Variants in SERTAD2 observed in about 807,000 individuals in gnomAD.
The protein encoded by SERTAD2 is SERTA domain-containing protein 2.
In SERTAD2, 2 loss-of-function variants were observed where a neutral mutation model predicts 15.4. The ratio of observed to expected loss-of-function variants is 0.13; its 90% CI spans 0.05 to 0.41. The LOEUF is 0.41. SERTAD2 is among the 10% of genes least tolerant of loss of function. The pLI, the probability that SERTAD2 is intolerant of heterozygous loss-of-function variation, is 0.99. For missense variants in SERTAD2, 333 were observed against 409.7 expected (o/e 0.81, Z 1.62); for synonymous variants, 180 against 178.0 (o/e 1.01, Z -0.09).
chr2:64,650,677 T>C (rs997243830), intron 1 of SERTAD2, among the ~76,000 whole-genome samples: 1 of 152,222 alleles, frequency 6.6e-6, no homozygotes, highest in Non-Finnish European at 1.5e-5. Flanking sequence ...TAGCCACACA[T>C]TTCTTAAACA....
At chr2:64,646,148 C>CG (rs1553412393) in intron 1 of SERTAD2, among the ~76,000 whole-genome samples, 1 of 24,140 alleles carries the variant, frequency 4.1e-5, no homozygotes, top group East Asian at 1.3e-3. Context: ...AACAAACAAA[C>CG]AAAAAAAAAC....
rs149716172 is a variant in SERTAD2 at position 64,642,768 on chromosome 2, C to T, written c.-4-5893G>A. On this transcript the variant is annotated intron_variant, in intron 1 of 1. Coordinates refer to ENST00000313349, the MANE Select transcript of SERTAD2 (RefSeq NM_014755.3). The stretch of plus-strand genomic sequence containing the variant: ...GGGCTGTAGGAGGCCGCACAGGGAG[C>T]CCTCCTCAGACCACCAAGGCTGGCT... Among the ~76,000 whole-genome samples, 3 of 152,258 alleles carry T rather than the reference C, an allele frequency of 2.0e-5. No homozygotes were observed. The East Asian group carries it at 5.8e-4, about 29-fold the overall frequency.
intron 1 of SERTAD2, among the ~76,000 whole-genome samples, chr2:64,649,116 G>T (rs1674959561): frequency 6.6e-6 from 1 of 152,260 alleles, no homozygotes; most frequent in South Asian, 2.1e-4. Context: ...GCAGCTGCCA[G>T]CTCGATATCT....
intron 1 of SERTAD2, among the ~76,000 whole-genome samples, chr2:64,652,918 T>C (rs1489869730): frequency 6.6e-6 from 1 of 152,112 alleles, no homozygotes; most frequent in Non-Finnish European, 1.5e-5. Context: ...CGACACCCCC[T>C]CTCTTACTGG....
chr2:64,642,491 T>C (rs574343230), intron 1 of SERTAD2, among the ~76,000 whole-genome samples: 124 of 151,930 alleles, frequency 8.2e-4, no homozygotes, highest in Non-Finnish European at 4.0e-4. Context: ...ATTTAAAAGC[T>C]ACATCTTTTT....
chr2:64,643,578 G>C (rs1674822610), intron 1 of SERTAD2, among the ~76,000 whole-genome samples: 1 of 152,248 alleles, frequency 6.6e-6, no homozygotes, highest in Admixed American at 6.5e-5. Flanking sequence ...TTAACAAGCT[G>C]TATGCCTTCG....
intron 1 of SERTAD2, among the ~76,000 whole-genome samples, chr2:64,638,525 C>G (rs1187898390): frequency 2.0e-5 from 3 of 152,206 alleles, no homozygotes; most frequent in Non-Finnish European, 4.4e-5. Context: ...AGACATGGAG[C>G]CTGCCACTTG....
intron 1 of SERTAD2, among the ~76,000 whole-genome samples, chr2:64,652,811 C>T (rs373762485): frequency 4.0e-5 from 6 of 151,606 alleles, no homozygotes; most frequent in African/African-American, 1.2e-4. Flanking sequence ...AAACTCGACT[C>T]CCATCGCAAT....
In SERTAD2 at chr2:64,632,210, G is replaced by A. The variant is rs140875234; in HGVS notation, c.*3717C>T. ...CAAGGTTTTCAAATTAAGACAATTC[G>A]TATAGAGTAGCAATTGCTGCACGAA... On this transcript the variant is annotated 3_prime_UTR_variant, in exon 2 of 2. Coordinates refer to ENST00000313349, the MANE Select transcript of SERTAD2 (RefSeq NM_014755.3). 1.0e-4 allele frequency: 15 copies of A among 149,506 alleles called. No individual in the cohort carries two copies. Among genetic ancestry groups the A allele is most frequent in the African/African-American group, 3.0e-4 (12 of 40,576 alleles). 9.3% of individuals were successfully genotyped at this position (149,506 alleles called of 1,614,324 possible). A position where few individuals can be genotyped will look rare whatever the true frequency, so the allele number is the denominator to read the frequency against.
intron 1 of SERTAD2, among the ~76,000 whole-genome samples, chr2:64,650,768 A>G (rs1674992411): frequency 6.6e-6 from 1 of 152,078 alleles, no homozygotes; most frequent in African/African-American, 2.4e-5. Flanking sequence ...AGTTGTGCAT[A>G]TAAAGTGGCC....
intron 1 of SERTAD2, chr2:64,645,104 C>T (rs1278889296): frequency 6.6e-6 from 1 of 151,704 alleles, no homozygotes; most frequent in Non-Finnish European, 1.5e-5. Flanking sequence ...AACATCCATG[C>T]TAATTGGTAA....
Position 64,636,147 on chromosome 2 carries a change from G to T in SERTAD2, c.725C>A (p.Thr242Asn), listed in dbSNP as rs1674651107. 6.2e-7 allele frequency: 1 copy of T among 1,614,036 alleles called. No individual in the cohort carries two copies. The highest frequency in any genetic ancestry group is 1.3e-5 in the African/African-American group (1 of 74,898). ...GTCAGCAAACAGGATGTCATCCAGGGTCAAGTCTGTCAGGAAACCCGTGGA... is the reference window on the plus strand; with the variant it reads ...GTCAGCAAACAGGATGTCATCCAGGTTCAAGTCTGTCAGGAAACCCGTGGA... ...TTSTGFLTDL[T>N]LDDILFADID... The change falls in exon 2 of 2, where the codon ACC becomes AAC. Residue 242 changes from threonine to asparagine, a missense_variant. Physicochemically the swap from Thr to Asn is moderately conservative, Grantham distance 65. This residue lies in a region of SERTAD2 where 332 missense variants were observed against 392.9 expected (regional missense o/e 0.84). Transcript: ENST00000313349.
In SERTAD2 at chr2:64,636,523, G is replaced by C; in HGVS notation, c.349C>G (p.Pro117Ala). The part of the protein sequence containing the change: ...FSHLASPSSH[P>A]CDLGSTTPLE... ...GGCGTAGTGCTTCCGAGGTCGCAGG[G>C]GTGGGAGGACGGGGACGCCAGGTGG... Residue 117 changes from proline to alanine, a missense_variant, in exon 2 of 2, where the codon CCC becomes GCC. By Grantham distance (27) the Pro-to-Ala change is conservative. Transcript: ENST00000313349. 3 of 1,604,484 alleles carry C rather than the reference G, an allele frequency of 1.9e-6. No homozygotes were observed. Among genetic ancestry groups the C allele is most frequent in the South Asian group, 1.1e-5 (1 of 90,412 alleles).
chr2:64,637,009 T>C (rs779736225), intron 1 of SERTAD2, 134 bp from the exon 2 acceptor site: 7 of 621,666 alleles, frequency 1.1e-5, no homozygotes, highest in Non-Finnish European at 1.9e-5. Flanking sequence ...TACACGTGGA[T>C]TAATTAGGGG....
intron 1 of SERTAD2, among the ~76,000 whole-genome samples, chr2:64,640,603 A>G (rs559581209): frequency 3.3e-5 from 5 of 151,746 alleles, no homozygotes; most frequent in African/African-American, 1.2e-4. Flanking sequence ...GGAGCTAAGG[A>G]CGTGTAGGTG....
At position 64,633,544 on chromosome 2, in the gene SERTAD2, G is replaced by A. The variant is rs774023600; in HGVS notation, c.*2383C>T. On this transcript the variant is annotated 3_prime_UTR_variant, in exon 2 of 2. Coordinates refer to ENST00000313349, the MANE Select transcript of SERTAD2 (RefSeq NM_014755.3). Reference sequence around the variant, plus strand: ...GAATCATCAATACTATTGTATATGTGTACGTAGGTAGATGTGTGCAGCATG... The same window carrying A: ...GAATCATCAATACTATTGTATATGTATACGTAGGTAGATGTGTGCAGCATG... 1.3e-5 allele frequency: 2 copies of A among 152,234 alleles called. No individual in the cohort carries two copies. The highest frequency in any genetic ancestry group is 2.9e-5 in the Non-Finnish European group (2 of 68,050). The allele number at this position is 152,234 out of a possible 1,614,324, so 9.4% of individuals were successfully genotyped here. A position where few individuals can be genotyped will look rare whatever the true frequency, so the allele number is the denominator to read the frequency against.
chr2:64,637,021 G>A, intron 1 of SERTAD2, 146 bp from the exon 2 acceptor site: 1 of 614,108 alleles, frequency 1.6e-6, no homozygotes, highest in South Asian at 2.3e-5. Context: ...AATTAGGGGT[G>A]GGAGGAAGGA....
At chr2:64,637,069 T>A (rs1674677837) in intron 1 of SERTAD2, among the ~76,000 whole-genome samples, 194 bp from the exon 2 acceptor site, 1 of 152,180 alleles carries the variant, frequency 6.6e-6, no homozygotes, top group Non-Finnish European at 1.5e-5. Context: ...AAAATCCACC[T>A]TTGTATGCCT....
chr2:64,646,975 G>A (rs1289672124), intron 1 of SERTAD2, among the ~76,000 whole-genome samples: 2 of 152,092 alleles, frequency 1.3e-5, no homozygotes, highest in Non-Finnish European at 2.9e-5. Context: ...GCCTTTACTG[G>A]GCCTACTTAC....
Sources: gnomAD v4.1 joint callset for allele counts (sites outside exome capture counted in the v4.1 genomes callset) on GRCh38, gnomAD v4.1.1 for gene constraint, gnomAD v4.1.1 regional missense constraint, MANE v1.5 for transcripts, NCBI Gene and HGNC (gene_info 2026-07-23, HGNC 2026-07-21) for gene names.